RORA: variants seen among roughly 807,000 people sequenced by gnomAD.
RORA encodes nuclear receptor ROR-alpha.
In RORA, 7 loss-of-function variants were observed where a neutral mutation model predicts 69.5. The observed-to-expected ratio is 0.10, with a 90% CI of 0.06 to 0.19. RORA has a LOEUF of 0.19. Ranked by LOEUF, RORA falls within the 10% of genes least tolerant of loss-of-function variation. The pLI is 1.00. For synonymous variants in RORA, 261 were observed against 240.8 expected (o/e 1.08, Z -0.78); for missense variants, 457 against 663.0 (o/e 0.69, Z 3.41).
chr15:60,731,162 T>C (rs193144148), intron 1 of RORA, among the ~76,000 whole-genome samples: 2 of 152,296 alleles, frequency 1.3e-5, no homozygotes, highest in Admixed American at 1.3e-4. Flanking sequence ...TGGTGAGCCA[T>C]ATGGAGTAAA....
At chr15:60,796,825 C>T (rs1028008185) in intron 1 of RORA, among the ~76,000 whole-genome samples, 11 of 151,848 alleles carry the variant, frequency 7.2e-5, no homozygotes, top group Admixed American at 5.9e-4. Context: ...AAATGTGGTA[C>T]ATTCATACAA....
intron 1 of RORA, among the ~76,000 whole-genome samples, chr15:60,745,202 A>C (rs2071630216): frequency 6.6e-6 from 1 of 152,164 alleles, no homozygotes; most frequent in South Asian, 2.1e-4. Flanking sequence ...CGCACACTCT[A>C]AATTTGCTTC....
At chr15:60,814,515 C>G (rs2072783587) in intron 1 of RORA, among the ~76,000 whole-genome samples, 1 of 152,112 alleles carries the variant, frequency 6.6e-6, no homozygotes, top group African/African-American at 2.4e-5. Flanking sequence ...AGAGAGAGCA[C>G]AGCTTCCTAA....
chr15:61,156,798 T>G (rs1032855394), intron 1 of RORA, among the ~76,000 whole-genome samples: 4 of 152,182 alleles, frequency 2.6e-5, no homozygotes, highest in Admixed American at 6.5e-5. Flanking sequence ...AAGTCACACT[T>G]TTATAACTTA....
chr15:60,898,666 C>T (rs950318616), intron 1 of RORA, among the ~76,000 whole-genome samples: 73 of 151,778 alleles, frequency 4.8e-4, no homozygotes, highest in Non-Finnish European at 8.2e-4. Flanking sequence ...GCCACTGCAT[C>T]AGCCTGGGTG....
At chr15:61,079,989 T>C (rs1350440176) in intron 1 of RORA, among the ~76,000 whole-genome samples, 3 of 152,146 alleles carry the variant, frequency 2.0e-5, no homozygotes, top group Non-Finnish European at 4.4e-5. Flanking sequence ...GCAAATCCTG[T>C]ATATAAAGAG....
intron 2 of RORA, among the ~76,000 whole-genome samples, chr15:60,615,518 G>C (rs1438148797): frequency 1.3e-5 from 2 of 152,204 alleles, no homozygotes; most frequent in African/African-American, 4.8e-5. Flanking sequence ...TCCAGCAGCA[G>C]CCGGGGAGGA....
intron 1 of RORA, among the ~76,000 whole-genome samples, chr15:61,032,441 A>G (rs1896222140): frequency 6.6e-6 from 1 of 152,244 alleles, no homozygotes; most frequent in Non-Finnish European, 1.5e-5. Flanking sequence ...AGAAAAAATT[A>G]AAAGTTGGTT....
intron 1 of RORA, among the ~76,000 whole-genome samples, chr15:61,019,607 A>AG (rs891989606): frequency 3.9e-5 from 6 of 152,090 alleles, no homozygotes; most frequent in South Asian, 4.2e-4. Flanking sequence ...AAGTTAGTGA[A>AG]GGGGGGGAAA....
intron 1 of RORA, among the ~76,000 whole-genome samples, chr15:61,069,927 C>A (rs970844220): frequency 6.6e-6 from 1 of 152,168 alleles, no homozygotes; most frequent in African/African-American, 2.4e-5. Context: ...AAAGTCAGAA[C>A]AGAACTGCCT....
intron 2 of RORA, among the ~76,000 whole-genome samples, chr15:60,591,345 T>G (rs2068503185): frequency 6.6e-6 from 1 of 152,084 alleles, no homozygotes; most frequent in Non-Finnish European, 1.5e-5. Context: ...CCGGAGCTGT[T>G]TGCAACCGTC....
intron 1 of RORA, among the ~76,000 whole-genome samples, chr15:60,811,710 A>G (rs544452066): frequency 5.9e-5 from 9 of 152,112 alleles, no homozygotes; most frequent in African/African-American, 9.7e-5. Flanking sequence ...ATTATTACCC[A>G]CATCTCAATT....
rs568095056 is a variant in RORA at position 60,894,037 on chromosome 15, C to T, written c.167-215351G>A. On this transcript the variant is annotated intron_variant, in intron 1 of 10. Coordinates refer to ENST00000335670, the MANE Select transcript of RORA (RefSeq NM_134261.3). Reference sequence around the variant, plus strand: ...TCGCTAAAGTGCCTGCGGGAAGACCCCATGGCCACCCCCAGACACTTCCCA... The same window carrying T: ...TCGCTAAAGTGCCTGCGGGAAGACCTCATGGCCACCCCCAGACACTTCCCA... Among the ~76,000 whole-genome samples the T allele has an allele frequency of 4.6e-5, 7 of 152,284 alleles. No homozygotes were observed. In the East Asian group the frequency reaches 1.4e-3, roughly 30 times the overall value.
chr15:60,611,967 T>C (rs548060414), intron 2 of RORA, among the ~76,000 whole-genome samples: 1 of 152,186 alleles, frequency 6.6e-6, no homozygotes, highest in Non-Finnish European at 1.5e-5. Flanking sequence ...AAGGTGCTGA[T>C]GTTTCATCCT....
At chr15:60,871,951 A>T (rs911437021) in intron 1 of RORA, among the ~76,000 whole-genome samples, 2 of 152,250 alleles carry the variant, frequency 1.3e-5, no homozygotes, top group East Asian at 3.8e-4. Context: ...ACTGGGTAAA[A>T]GGTATGCAGA....
At chr15:60,758,935 T>C (rs1189419175) in intron 1 of RORA, among the ~76,000 whole-genome samples, 1 of 152,186 alleles carries the variant, frequency 6.6e-6, no homozygotes, top group East Asian at 1.9e-4. Flanking sequence ...ACAAAGAAAC[T>C]GAAGTCCAGA....
chr15:61,052,189 T>C (rs1304831541), intron 1 of RORA, among the ~76,000 whole-genome samples: 1 of 152,222 alleles, frequency 6.6e-6, no homozygotes, highest in African/African-American at 2.4e-5. Flanking sequence ...AGTGTTTTCA[T>C]TTAATAGGAA....
At chr15:61,106,118 C>T (rs866979225) in intron 1 of RORA, among the ~76,000 whole-genome samples, 1 of 152,290 alleles carries the variant, frequency 6.6e-6, no homozygotes, top group East Asian at 1.9e-4. Context: ...TTAAAGGGCC[C>T]TAAAGAAACA....
At chr15:60,659,374 A>C (rs796814476) in intron 2 of RORA, among the ~76,000 whole-genome samples, 2 of 152,310 alleles carry the variant, frequency 1.3e-5, no homozygotes, top group African/African-American at 4.8e-5. Context: ...CCTCATCTCT[A>C]ACATGGGAGG....
Sources: gnomAD v4.1 joint callset for allele counts (sites outside exome capture counted in the v4.1 genomes callset) on GRCh38, gnomAD v4.1.1 for gene constraint, MANE v1.5 for transcripts, NCBI Gene and HGNC (gene_info 2026-07-23, HGNC 2026-07-21) for gene names.